The following KCNH1 variants were observed in gnomAD, a reference collection of about 807,000 sequenced individuals.
The protein encoded by KCNH1 is voltage-gated delayed rectifier potassium channel KCNH1.
Under a neutral mutation model 69.2 loss-of-function variants are expected in KCNH1, and 27 were observed. The observed-to-expected ratio is 0.39, with a 90% CI of 0.29 to 0.54. The LOEUF (loss-of-function observed/expected upper bound fraction) is 0.54, where lower values mean the gene tolerates loss of function less well. KCNH1 is among the 20% of genes least tolerant of loss of function. The pLI, the probability that KCNH1 is intolerant of heterozygous loss-of-function variation, is 0.68. For synonymous variants in KCNH1, 456 were observed against 487.7 expected (o/e 0.93, Z 0.86); for missense variants, 798 against 1,261.6 (o/e 0.63, Z 5.57).
chr1:210,692,411 G>A (rs1681545774), intron 10 of KCNH1, among the ~76,000 whole-genome samples: 1 of 152,144 alleles, frequency 6.6e-6, no homozygotes, highest in South Asian at 2.1e-4. Flanking sequence ...GGAAGAGATG[G>A]CGCTGCTGTG....
intron 7 of KCNH1, among the ~76,000 whole-genome samples, chr1:210,912,164 T>C (rs1257383477): frequency 1.3e-5 from 2 of 152,212 alleles, no homozygotes; most frequent in Admixed American, 6.5e-5. Context: ...TATTGGGTTG[T>C]GAAAACTTCC....
intron 6 of KCNH1, among the ~76,000 whole-genome samples, chr1:210,996,080 T>G (rs969786858): frequency 6.6e-5 from 10 of 152,196 alleles, no homozygotes; most frequent in African/African-American, 2.4e-4. Flanking sequence ...AGGTGATTTC[T>G]GCATTTCCAT....
chr1:210,965,976 T>C (rs1688392106), intron 6 of KCNH1, among the ~76,000 whole-genome samples: 2 of 152,226 alleles, frequency 1.3e-5, no homozygotes, highest in South Asian at 4.2e-4. Context: ...CTACCTGACT[T>C]CAAACTATAT....
At chr1:211,061,495 G>A (rs1558587593) in intron 5 of KCNH1, among the ~76,000 whole-genome samples, 2 of 151,986 alleles carry the variant, frequency 1.3e-5, no homozygotes, top group Admixed American at 6.6e-5. Context: ...CAGAGCAAAA[G>A]AAATAAAGGA....
intron 6 of KCNH1, among the ~76,000 whole-genome samples, chr1:210,962,399 C>T (rs1688311642): frequency 6.6e-6 from 1 of 152,028 alleles, no homozygotes; most frequent in African/African-American, 2.4e-5. Flanking sequence ...GGAGTGTGTT[C>T]TCCTCCTGTC....
In KCNH1 at chr1:210,915,169, G is replaced by T. The variant is rs568550282; in HGVS notation, c.1462+4471C>A. ...CTTTGAGGGATTCCTCAAAAGCCAG[G>T]GAAAGGCTCAGCCACAGTGAAGAGT... is the stretch of plus-strand genomic sequence containing the variant. On this transcript the variant is annotated intron_variant, in intron 7 of 10. Transcript: ENST00000271751. 3.3e-5 allele frequency among the ~76,000 whole-genome samples: 5 copies of T among 152,268 alleles called. No individual in the cohort carries two copies. The South Asian group carries it at 1.0e-3, about 32-fold the overall frequency.
intron 5 of KCNH1, among the ~76,000 whole-genome samples, chr1:211,071,256 C>A (rs1161554262): frequency 6.6e-6 from 1 of 152,156 alleles, no homozygotes; most frequent in Non-Finnish European, 1.5e-5. Context: ...AGCAATCTAA[C>A]TTTTTCTTGT....
chr1:211,132,122 T>C (rs1691887655), intron 1 of KCNH1, among the ~76,000 whole-genome samples: 1 of 152,248 alleles, frequency 6.6e-6, no homozygotes. Context: ...CATTAGGTAC[T>C]GGGTTTCCCC....
At chr1:210,864,574 C>A (rs560009365) in intron 7 of KCNH1, among the ~76,000 whole-genome samples, 124 of 152,286 alleles carry the variant, frequency 8.1e-4, no homozygotes, top group Non-Finnish European at 4.4e-5. Flanking sequence ...GTTTGGGCTG[C>A]AGCTTTAGTG....
At chr1:210,770,702 G>A (rs1184072657) in intron 10 of KCNH1, among the ~76,000 whole-genome samples, 7 of 152,218 alleles carry the variant, frequency 4.6e-5, no homozygotes, top group East Asian at 1.9e-4. Flanking sequence ...TGGTTTTACC[G>A]TACATGTTTC....
intron 6 of KCNH1, among the ~76,000 whole-genome samples, chr1:210,951,470 ACTC>A (rs1234179611): frequency 9.2e-5 from 14 of 152,022 alleles, no homozygotes; most frequent in Admixed American, 7.2e-4. Context: ...CTGTGATCGC[ACTC>A]CTCTGGCGTT....
intron 7 of KCNH1, chr1:210,860,318 T>C (rs1190655981): frequency 1.3e-5 from 17 of 1,349,724 alleles, no homozygotes; most frequent in Admixed American, 1.7e-5. Flanking sequence ...GCTAAAGAGA[T>C]GTCCTCATAG....
At chr1:210,687,152 G>GTTCTTCAGATATTT (rs1460972545) in intron 10 of KCNH1, among the ~76,000 whole-genome samples, 17 of 152,232 alleles carry the variant, frequency 1.1e-4, no homozygotes, top group African/African-American at 4.1e-4. Flanking sequence ...TGAAAAGGAA[G>GTTCTTCAGATATTT]TTCTTCAGAT....
intron 7 of KCNH1, among the ~76,000 whole-genome samples, chr1:210,825,318 C>T (rs1685012469): frequency 6.6e-6 from 1 of 152,082 alleles, no homozygotes; most frequent in African/African-American, 2.4e-5. Flanking sequence ...CTCATTTTGT[C>T]CCACAGAATA....
intron 10 of KCNH1, among the ~76,000 whole-genome samples, chr1:210,750,522 G>A (rs17016861): frequency 2.6e-5 from 4 of 152,130 alleles, no homozygotes; most frequent in East Asian, 1.9e-4. Flanking sequence ...CCCAGGACAA[G>A]GTTTAAGAAT....
At chr1:211,065,964 T>C (rs1690521546) in intron 5 of KCNH1, among the ~76,000 whole-genome samples, 1 of 151,950 alleles carries the variant, frequency 6.6e-6, no homozygotes, top group South Asian at 2.1e-4. Flanking sequence ...GAGGCTGAGG[T>C]GAGAGGATCT....
At chr1:210,890,698 GA>G (rs567760696) in intron 7 of KCNH1, among the ~76,000 whole-genome samples, 11 of 145,282 alleles carry the variant, frequency 7.6e-5, no homozygotes, top group East Asian at 2.0e-4. Context: ...AAATTGACAA[GA>G]AAAAAAAAAC....
At chr1:210,915,607 T>C (rs1034289045) in intron 7 of KCNH1, among the ~76,000 whole-genome samples, 18 of 152,210 alleles carry the variant, frequency 1.2e-4, no homozygotes, top group Admixed American at 8.5e-4. Context: ...AGAATGGAAA[T>C]TAGACATAAA....
At chr1:211,023,175 G>A (rs1386275359) in intron 5 of KCNH1, among the ~76,000 whole-genome samples, 1 of 150,532 alleles carries the variant, frequency 6.6e-6, no homozygotes, top group Non-Finnish European at 1.5e-5. Flanking sequence ...AAAAATGCTG[G>A]TGAGGATCCA....
Sources: allele counts gnomAD v4.1 joint callset (sites outside exome capture counted in the v4.1 genomes callset), GRCh38; gene constraint gnomAD v4.1.1; transcripts MANE v1.5; gene names NCBI Gene and HGNC (gene_info 2026-07-23, HGNC 2026-07-21).